The following YEATS4 variants were observed in gnomAD, a reference collection of about 807,000 sequenced individuals.
The protein encoded by YEATS4 is YEATS domain-containing protein 4.
YEATS4 carries 17 observed loss-of-function variants against 30.1 expected under a neutral mutation model. The ratio of observed to expected loss-of-function variants is 0.56; its 90% CI spans 0.39 to 0.85. The LOEUF (loss-of-function observed/expected upper bound fraction) is 0.85, where lower values mean the gene tolerates loss of function less well. Among genes scored for constraint, YEATS4 ranks in the 40% least tolerant of loss-of-function variants. The probability of loss-of-function intolerance (pLI) is 0.00; values close to 1 mark genes in which losing one functional copy is unlikely to be tolerated. For synonymous variants in YEATS4, 85 were observed against 87.5 expected, an observed-to-expected ratio of 0.97 and a Z score of 0.16; for missense variants, 142 against 268.3, an observed-to-expected ratio of 0.53 and a Z score of 3.29.
chr12:69,400,674 C>A, the YEATS4 span, among the ~76,000 whole-genome samples: 1 of 150,694 alleles, frequency 6.6e-6, no homozygotes, highest in Non-Finnish European at 1.5e-5. Flanking sequence ...ATAGCAAGAC[C>A]CCCCCGCCCA....
Position 69,359,771 on chromosome 12 carries a change from G to A in YEATS4, c.-202G>A, listed in dbSNP as rs965394678. The A allele has an allele frequency of 1.7e-6, 1 of 594,546 alleles. No individual in the cohort carries two copies. The highest frequency in any genetic ancestry group is 3.4e-5 in the Admixed American group (1 of 29,668). The allele number at this position is 594,546 out of a possible 1,614,324, so 36.8% of individuals were successfully genotyped here. ...TTTTCGCGGCGTTCTCCACCTGCGC[G>A]GGCCTGAATGGCCTTCAGGAGCACA... On this transcript the variant is annotated 5_prime_UTR_variant, in exon 1 of 7. Transcript: ENST00000247843.
the YEATS4 span, among the ~76,000 whole-genome samples, chr12:69,407,702 C>CTTTTTTTTTTTTT: frequency 3.2e-5 from 2 of 62,638 alleles, no homozygotes; most frequent in African/African-American, 7.1e-5. Flanking sequence ...TACTTTTTGT[C>CTTTTTTTTTTTTT]TTTTTTTTTT....
chr12:69,403,154 G>T, the YEATS4 span, among the ~76,000 whole-genome samples: 1 of 152,178 alleles, frequency 6.6e-6, no homozygotes, highest in Admixed American at 6.5e-5. Context: ...TCTCTAGACT[G>T]GGACTGTATA....
chr12:69,407,776 G>T, the YEATS4 span, among the ~76,000 whole-genome samples: 1 of 122,668 alleles, frequency 8.2e-6, no homozygotes, highest in Non-Finnish European at 1.6e-5. Flanking sequence ...GAGTGCAATG[G>T]TGCAATCTCA....
the YEATS4 span, among the ~76,000 whole-genome samples, chr12:69,414,415 G>A: frequency 6.6e-6 from 1 of 151,946 alleles, no homozygotes; most frequent in Admixed American, 6.6e-5. Context: ...TTTTTTTGTA[G>A]ATACGGGGTC....
the YEATS4 span, among the ~76,000 whole-genome samples, chr12:69,421,344 G>C: frequency 2.6e-5 from 4 of 152,228 alleles, no homozygotes; most frequent in South Asian, 8.3e-4. Context: ...AAGTTATAAA[G>C]GTGTGTCAGG....
chr12:69,419,358 C>T, the YEATS4 span, among the ~76,000 whole-genome samples: 1 of 151,672 alleles, frequency 6.6e-6, no homozygotes, highest in Non-Finnish European at 1.5e-5. Flanking sequence ...GTAGCTGTGG[C>T]TACAGTTGTG....
intron 1 of YEATS4, among the ~76,000 whole-genome samples, chr12:69,362,352 A>AC (rs993228812): frequency 6.6e-6 from 1 of 151,648 alleles, no homozygotes; most frequent in Non-Finnish European, 1.5e-5. Flanking sequence ...AAAAGTGAAA[A>AC]ATGTTTGACC....
At chr12:69,422,301 G>C in the YEATS4 span, among the ~76,000 whole-genome samples, 1 of 152,132 alleles carries the variant, frequency 6.6e-6, no homozygotes, top group African/African-American at 2.4e-5. Context: ...TAGAAGTAAA[G>C]CTCTCTCAGG....
At chr12:69,384,695 T>G (rs1876205592) in intron 6 of YEATS4, among the ~76,000 whole-genome samples, 1 of 152,226 alleles carries the variant, frequency 6.6e-6, no homozygotes, top group Non-Finnish European at 1.5e-5. Flanking sequence ...CTTTCCAAAT[T>G]TAAAGTGTTA....
the YEATS4 span, among the ~76,000 whole-genome samples, chr12:69,423,958 G>A: frequency 6.6e-6 from 1 of 152,182 alleles, no homozygotes; most frequent in Non-Finnish European, 1.5e-5. Flanking sequence ...AAATGCTTGA[G>A]AAGAAAGCAT....
At chr12:69,371,190 T>TA (rs1875623380) in intron 6 of YEATS4, among the ~76,000 whole-genome samples, 2 of 152,248 alleles carry the variant, frequency 1.3e-5, no homozygotes, top group African/African-American at 2.4e-5. Context: ...GACAGCCTCT[T>TA]ACATTCGCTG....
the YEATS4 span, among the ~76,000 whole-genome samples, chr12:69,412,578 G>A: frequency 6.6e-6 from 1 of 152,030 alleles, no homozygotes; most frequent in African/African-American, 2.4e-5. Flanking sequence ...ACTTGAACCC[G>A]GGAGGTGGAG....
intron 6 of YEATS4, among the ~76,000 whole-genome samples, chr12:69,375,187 G>GAT: frequency 6.7e-6 from 1 of 149,806 alleles, no homozygotes; most frequent in East Asian, 2.0e-4. Context: ...CTTCTCAGAC[G>GAT]GGGCGGCCGG....
At chr12:69,376,591 G>A (rs1211798414) in intron 6 of YEATS4, among the ~76,000 whole-genome samples, 1 of 152,132 alleles carries the variant, frequency 6.6e-6, no homozygotes, top group African/African-American at 2.4e-5. Context: ...TTTTTAAGGT[G>A]TTGTTGAATT....
intron 6 of YEATS4, 97 bp downstream of exon 6, chr12:69,371,072 T>C (rs1018642034): frequency 2.8e-5 from 33 of 1,175,380 alleles, no homozygotes; most frequent in African/African-American, 4.7e-5. Flanking sequence ...AAAAATGAAA[T>C]AGGTAAGTTT....
Position 69,390,350 on chromosome 12 carries a change from C to T in YEATS4, c.*34C>T. The T allele has an allele frequency of 1.3e-6, 2 of 1,513,674 alleles. No homozygotes were observed. The highest frequency in any genetic ancestry group is 1.8e-6 in the Non-Finnish European group (2 of 1,136,426). 93.8% of individuals were successfully genotyped at this position (1,513,674 alleles called of 1,614,324 possible). A position where few individuals can be genotyped will look rare whatever the true frequency, so the allele number is the denominator to read the frequency against. ...CATGAGAACTTGGTAGTAAGCTAAA[C>T]TGAAAATAAGGTGGGCTTCACTGGA... On this transcript the variant is annotated 3_prime_UTR_variant, in exon 7 of 7. Coordinates refer to ENST00000247843, the MANE Select transcript of YEATS4 (RefSeq NM_006530.4).
rs971347643 is a variant in YEATS4, at chr12:69,369,093, A to G, written c.334-1613A>G. ...AATATACCTTTTGCAGGGAGGTCAC[A>G]ATTCAGCCCATAACATCTTTATCCC... On this transcript the variant is annotated intron_variant, in intron 4 of 6. Transcript: ENST00000247843. 1.6e-4 allele frequency among the ~76,000 whole-genome samples: 24 copies of G among 152,276 alleles called. No individual in the cohort carries two copies. In the East Asian group the frequency reaches 4.6e-3, roughly 29 times the overall value.
intron 6 of YEATS4, among the ~76,000 whole-genome samples, chr12:69,377,075 C>G (rs1368008989): frequency 6.6e-6 from 1 of 152,028 alleles, no homozygotes; most frequent in Non-Finnish European, 1.5e-5. Context: ...TGAGTTTTCT[C>G]TTTTTTCTTA....
Sources: gnomAD v4.1 joint callset for allele counts (sites outside exome capture counted in the v4.1 genomes callset) on GRCh38, gnomAD v4.1.1 for gene constraint, MANE v1.5 for transcripts, NCBI Gene and HGNC (gene_info 2026-07-23, HGNC 2026-07-21) for gene names.